The following RGS7 variants were observed in gnomAD, a reference collection of about 807,000 sequenced individuals.
The protein encoded by RGS7 is regulator of G protein signaling 7, also known as regulator of G-protein signaling 7.
A neutral mutation model predicts 81.1 loss-of-function variants in RGS7; 27 were observed. The ratio of observed to expected loss-of-function variants is 0.33; its 90% CI spans 0.25 to 0.46. RGS7 has a LOEUF of 0.46. Among genes scored for constraint, RGS7 ranks in the 20% least tolerant of loss-of-function variants. The probability of loss-of-function intolerance (pLI) is 1.00; values close to 1 mark genes in which losing one functional copy is unlikely to be tolerated. For missense variants in RGS7, 396 were observed against 607.4 expected, an observed-to-expected ratio of 0.65 and a Z score of 3.66; for synonymous variants, 208 against 207.7, an observed-to-expected ratio of 1.00 and a Z score of -0.01.
At chr1:240,952,698 T>C (rs1308455086) in intron 4 of RGS7, among the ~76,000 whole-genome samples, 1 of 151,926 alleles carries the variant, frequency 6.6e-6, no homozygotes, top group Non-Finnish European at 1.5e-5. Flanking sequence ...CATATATCAA[T>C]AATCACCTTA....
intron 15 of RGS7, among the ~76,000 whole-genome samples, chr1:240,805,825 G>C (rs1688742333): frequency 6.6e-6 from 1 of 151,954 alleles, no homozygotes; most frequent in Non-Finnish European, 1.5e-5. Flanking sequence ...TACTGAGGTG[G>C]GGTCATCATT....
chr1:241,201,497 AC>A (rs2073493826), intron 2 of RGS7, among the ~76,000 whole-genome samples: 3 of 152,104 alleles, frequency 2.0e-5, no homozygotes, highest in Non-Finnish European at 2.9e-5. Context: ...ATTTCCATAA[AC>A]CCATGATTTT....
At chr1:241,049,763 T>C (rs975788639) in intron 3 of RGS7, among the ~76,000 whole-genome samples, 2 of 152,188 alleles carry the variant, frequency 1.3e-5, no homozygotes, top group South Asian at 2.1e-4. Flanking sequence ...GCTTTGGTCA[T>C]GTAAAAGCTG....
chr1:240,798,983 T>G (rs549483087), intron 18 of RGS7, among the ~76,000 whole-genome samples: 74 of 152,296 alleles, frequency 4.9e-4, no homozygotes, highest in Admixed American at 1.4e-3. Flanking sequence ...TTCTTTATCT[T>G]CCATTAAATT....
intron 6 of RGS7, among the ~76,000 whole-genome samples, chr1:240,890,207 C>G (rs1443073973): frequency 6.6e-6 from 1 of 152,154 alleles, no homozygotes; most frequent in Non-Finnish European, 1.5e-5. Flanking sequence ...GGCTGGAGGG[C>G]AGTGGCGCAA....
intron 2 of RGS7, among the ~76,000 whole-genome samples, chr1:241,269,050 T>G (rs1465136343): frequency 6.6e-6 from 1 of 152,256 alleles, no homozygotes; most frequent in Admixed American, 6.5e-5. Context: ...CAGTAGTTAT[T>G]CTAGAGATTC....
Position 241,163,100 on chromosome 1 carries a change from G to A in RGS7, c.79-64338C>T, listed in dbSNP as rs756138599. On this transcript the variant is annotated intron_variant, in intron 2 of 18. Coordinates refer to ENST00000440928, the MANE Select transcript of RGS7 (RefSeq NM_001364886.1). This position sits in a 1 kb window ranked among gnomAD's most constrained non-coding sequence, Gnocchi z 4.6. ...GTCAGATTAAGCAGAGACAGGCTCCGTGGCCAGGAAGGCATAACCATTTGC... is the reference window on the plus strand; with the variant it reads ...GTCAGATTAAGCAGAGACAGGCTCCATGGCCAGGAAGGCATAACCATTTGC... Among the ~76,000 whole-genome samples, 2 of 152,160 alleles carry A rather than the reference G, an allele frequency of 1.3e-5. No individual in the cohort carries two copies. Among genetic ancestry groups the A allele is most frequent in the Non-Finnish European group, 1.5e-5 (1 of 68,036 alleles).
chr1:240,845,387 T>A (rs1462694882), intron 9 of RGS7, among the ~76,000 whole-genome samples: 1 of 152,154 alleles, frequency 6.6e-6, no homozygotes, highest in African/African-American at 2.4e-5. Flanking sequence ...ACTCAATTAA[T>A]CATTTCACTA....
chr1:241,218,770 G>T (rs947083730), intron 2 of RGS7, among the ~76,000 whole-genome samples: 1 of 151,992 alleles, frequency 6.6e-6, no homozygotes, highest in Admixed American at 6.6e-5. Flanking sequence ...TCAGTCTCCC[G>T]AGTAGCTGGG....
At chr1:241,089,115 T>C (rs1008929080) in intron 3 of RGS7, among the ~76,000 whole-genome samples, 9 of 123,640 alleles carry the variant, frequency 7.3e-5, no homozygotes, top group African/African-American at 2.7e-4. Context: ...AGACCTAAGG[T>C]GAGTGGGTCT....
intron 2 of RGS7, among the ~76,000 whole-genome samples, chr1:241,331,102 A>G (rs1302168893): frequency 6.6e-6 from 1 of 152,208 alleles, no homozygotes; most frequent in African/African-American, 2.4e-5. Flanking sequence ...AAGCCAACTA[A>G]AGAGGCACTT....
At chr1:241,045,361 CTTAT>C (rs1293272622) in intron 3 of RGS7, among the ~76,000 whole-genome samples, 4 of 152,002 alleles carry the variant, frequency 2.6e-5, no homozygotes, top group South Asian at 4.2e-4. Context: ...TATTTACTTA[CTTAT>C]TTATTTATTT....
At chr1:241,138,524 C>A (rs2067690325) in intron 2 of RGS7, among the ~76,000 whole-genome samples, 1 of 152,164 alleles carries the variant, frequency 6.6e-6, no homozygotes, top group Non-Finnish European at 1.5e-5. Flanking sequence ...ACACGCCTGG[C>A]TTCTGTGGAA....
chr1:241,067,039 G>A (rs78913989), intron 3 of RGS7, among the ~76,000 whole-genome samples: 1,581 of 152,302 alleles, frequency 0.01, 24 homozygotes, highest in African/African-American at 0.036. Flanking sequence ...AATTAGCTGT[G>A]TGAAGTTGCC....
chr1:240,852,621 G>C (rs1044105536), intron 9 of RGS7, among the ~76,000 whole-genome samples: 2 of 152,094 alleles, frequency 1.3e-5, no homozygotes, highest in African/African-American at 4.8e-5. Flanking sequence ...ATTATCTACT[G>C]CCCATCTTTT....
intron 2 of RGS7, among the ~76,000 whole-genome samples, chr1:241,154,855 C>G (rs912630895): frequency 3.3e-5 from 5 of 151,942 alleles, no homozygotes; most frequent in Non-Finnish European, 7.4e-5. Context: ...ATGCTCACGT[C>G]TAGGGCTTAT....
At chr1:240,903,796 A>T (rs1670394061) in intron 6 of RGS7, among the ~76,000 whole-genome samples, 1 of 152,068 alleles carries the variant, frequency 6.6e-6, no homozygotes, top group Non-Finnish European at 1.5e-5. Flanking sequence ...CAACCATAAG[A>T]GCTGGTTGTT....
At chr1:240,993,584 T>G (rs895537897) in intron 3 of RGS7, among the ~76,000 whole-genome samples, 1 of 152,178 alleles carries the variant, frequency 6.6e-6, no homozygotes, top group Non-Finnish European at 1.5e-5. Flanking sequence ...TTTTCAGTTC[T>G]TTTTATATTC....
chr1:240,967,588 C>T (rs1013000079), intron 4 of RGS7, among the ~76,000 whole-genome samples: 38 of 140,036 alleles, frequency 2.7e-4, no homozygotes, highest in African/African-American at 1.0e-3. Context: ...GGGGAAAAGG[C>T]TGTAGCAAGA....
Sources: gnomAD v4.1 joint callset for allele counts (sites outside exome capture counted in the v4.1 genomes callset) on GRCh38, gnomAD v4.1.1 for gene constraint, Gnocchi (gnomAD v3.1) non-coding constraint, MANE v1.5 for transcripts, NCBI Gene and HGNC (gene_info 2026-07-23, HGNC 2026-07-21) for gene names.